The following NECTIN1 variants were observed in gnomAD, a reference collection of about 807,000 sequenced individuals.
The protein encoded by NECTIN1 is nectin-1.
In NECTIN1, 23 loss-of-function variants were observed where a neutral mutation model predicts 48.0. The observed-to-expected ratio is 0.48, with a 90% confidence interval of 0.34 to 0.68. The LOEUF (loss-of-function observed/expected upper bound fraction) is 0.68, where lower values mean the gene tolerates loss of function less well. Among genes scored for constraint, NECTIN1 ranks in the 30% least tolerant of loss-of-function variants. The pLI, the probability that NECTIN1 is intolerant of heterozygous loss-of-function variation, is 0.01. For synonymous variants in NECTIN1, 270 were observed against 288.9 expected, an observed-to-expected ratio of 0.93 and a Z score of 0.66; for missense variants, 591 against 709.9, an observed-to-expected ratio of 0.83 and a Z score of 1.90.
At chr11:119,682,447 G>A (rs1182005972) in intron 1 of NECTIN1, among the ~76,000 whole-genome samples, 2 of 152,152 alleles carry the variant, frequency 1.3e-5, no homozygotes, top group Non-Finnish European at 2.9e-5. Context: ...CTGAGCTAGC[G>A]TCTCCCACCT....
At chr11:119,679,811 C>G (rs1393127506) in intron 1 of NECTIN1, among the ~76,000 whole-genome samples, 1 of 152,204 alleles carries the variant, frequency 6.6e-6, no homozygotes, top group Non-Finnish European at 1.5e-5. Context: ...GCTCCCTCCA[C>G]CTAGATGGCC....
In NECTIN1 at chr11:119,716,478, G is replaced by A. The variant is rs1163658005; in HGVS notation, c.79+11997C>T. On this transcript the variant is annotated intron_variant, in intron 1 of 5. Transcript: ENST00000264025. The stretch of plus-strand genomic sequence containing the variant: ...ATCATCTCATCCCATTGTACAGCTA[G>A]GGGAACTTGTTTAGAGAAGACACAG... Among the ~76,000 whole-genome samples the A allele has an allele frequency of 2.0e-5, 3 of 152,198 alleles. No individual in the cohort carries two copies. The East Asian group carries it at 5.8e-4, about 29-fold the overall frequency.
rs1865597532 is a variant in NECTIN1, at chr11:119,709,345, C to T, written c.79+19130G>A. ...GAATCTGGGATCACCAGCTCCACAT[C>T]CGGGCCCAGGGCGCCTCTGTCTGCC... On this transcript the variant is annotated intron_variant, in intron 1 of 5. Transcript: ENST00000264025. The surrounding 1 kb of genome is among the most constrained non-coding windows in gnomAD (Gnocchi z 4.1). Among the ~76,000 whole-genome samples the T allele has an allele frequency of 6.6e-6, 1 of 152,148 alleles. No individual in the cohort carries two copies. The highest frequency in any genetic ancestry group is 2.4e-5 in the African/African-American group (1 of 41,430).
At chr11:119,718,912 C>G (rs1591488502) in intron 1 of NECTIN1, among the ~76,000 whole-genome samples, 2 of 152,188 alleles carry the variant, frequency 1.3e-5, no homozygotes, top group African/African-American at 4.8e-5. Flanking sequence ...TATCTGTATA[C>G]ATGAAATGTT....
intron 1 of NECTIN1, among the ~76,000 whole-genome samples, chr11:119,706,066 A>G (rs1865544363): frequency 6.6e-6 from 1 of 152,204 alleles, no homozygotes; most frequent in Admixed American, 6.5e-5. Context: ...TATTGGGAGA[A>G]ATAAAGCCCT....
intron 5 of NECTIN1, among the ~76,000 whole-genome samples, chr11:119,670,928 C>G (rs938056963): frequency 6.6e-6 from 1 of 151,898 alleles, no homozygotes; most frequent in Non-Finnish European, 1.5e-5. Flanking sequence ...TGTGAGCCAC[C>G]ACGCCTAGCC....
chr11:119,676,828 C>T, intron 4 of NECTIN1: 1 of 500,300 alleles, frequency 2.0e-6, no homozygotes, highest in South Asian at 2.1e-5. Context: ...AACGACAAAA[C>T]TCTTTATTAG....
downstream of NECTIN1, among the ~76,000 whole-genome samples, chr11:119,656,012 C>T (rs1864567447): frequency 6.6e-6 from 1 of 152,216 alleles, no homozygotes; most frequent in Non-Finnish European, 1.5e-5. Context: ...ATCCTCCCAC[C>T]TCAGCCTCCC....
chr11:119,639,922 G>A (rs1864299628), exon 6 of NECTIN1: 1 of 1,614,204 alleles, frequency 6.2e-7, no homozygotes, highest in East Asian at 2.2e-5. Flanking sequence ...GAAGAAGACA[G>A]TGAGCACAGC....
chr11:119,689,070 G>A (rs1380205598), intron 1 of NECTIN1, among the ~76,000 whole-genome samples: 2 of 152,106 alleles, frequency 1.3e-5, no homozygotes, highest in African/African-American at 2.4e-5. Flanking sequence ...GTCTTCCTTC[G>A]GCTGGTAAAC....
intron 1 of NECTIN1, among the ~76,000 whole-genome samples, chr11:119,695,205 C>CG (rs1565395166): frequency 6.6e-6 from 1 of 152,058 alleles, no homozygotes; most frequent in African/African-American, 2.4e-5. Flanking sequence ...CACAAGTCCC[C>CG]GGTCGCTCTC....
intron 1 of NECTIN1, among the ~76,000 whole-genome samples, chr11:119,706,886 C>T (rs973695224): frequency 3.9e-5 from 6 of 152,204 alleles, no homozygotes; most frequent in Non-Finnish European, 5.9e-5. Flanking sequence ...TCAGTATTCA[C>T]GGAAGAAACT....
chr11:119,658,383 G>A (rs553857834), downstream of NECTIN1, among the ~76,000 whole-genome samples: 17 of 152,264 alleles, frequency 1.1e-4, no homozygotes, highest in Admixed American at 7.8e-4. Context: ...CGGTAAACCC[G>A]GGGAGAGAAT....
intron 1 of NECTIN1, among the ~76,000 whole-genome samples, chr11:119,689,724 C>T (rs1316290330): frequency 6.6e-5 from 10 of 152,170 alleles, no homozygotes; most frequent in African/African-American, 9.7e-5. Context: ...GGAGGGCTCT[C>T]GACCCCATCC....
rs937128936 is a variant in NECTIN1, at chr11:119,684,013, C to A, written c.80-5248G>T. 6.6e-6 allele frequency among the ~76,000 whole-genome samples: 1 copy of A among 152,242 alleles called. No homozygotes were observed. The highest frequency in any genetic ancestry group is 2.4e-5 in the African/African-American group (1 of 41,472). Reference sequence around the variant, plus strand: ...AGACTCCTCAGTTGTGGCGGACAAACCTGCTCCCCAAGGCCCTGCCTGCCA... The same window carrying A: ...AGACTCCTCAGTTGTGGCGGACAAAACTGCTCCCCAAGGCCCTGCCTGCCA... On this transcript the variant is annotated intron_variant, in intron 1 of 5. Coordinates refer to ENST00000264025, the MANE Select transcript of NECTIN1 (RefSeq NM_002855.5). This position sits in a 1 kb window ranked among gnomAD's most constrained non-coding sequence, Gnocchi z 5.2.
At chr11:119,648,403 A>ATGG (rs1864443000) in intron 5 of NECTIN1, among the ~76,000 whole-genome samples, 6 of 4,538 alleles carry the variant, frequency 1.3e-3, no homozygotes, top group Non-Finnish European at 2.7e-3. Flanking sequence ...GATGGTGGTG[A>ATGG]TGGTGATGGT....
chr11:119,704,279 G>A (rs946012677), intron 1 of NECTIN1, among the ~76,000 whole-genome samples: 13 of 152,060 alleles, frequency 8.5e-5, no homozygotes, highest in Admixed American at 7.9e-4. Context: ...CTGGAGGGCA[G>A]TGGTGCAATC....
rs1440104263 is a variant in NECTIN1 at position 119,709,632 on chromosome 11, TG to T, written c.79+18842del. 6.7e-6 allele frequency among the ~76,000 whole-genome samples: 1 copy of T among 148,888 alleles called. No homozygotes were observed. Among genetic ancestry groups the T allele is most frequent in the African/African-American group, 2.5e-5 (1 of 40,010 alleles). Reference sequence around the variant, plus strand: ...GGAGGGGAGCCCCGTGTGGGAAGCCTGAAAGGAGCCTGGGAAAGACTGGGGC... The same window carrying T: ...GGAGGGGAGCCCCGTGTGGGAAGCCTAAAGGAGCCTGGGAAAGACTGGGGC... On this transcript the variant is annotated intron_variant, in intron 1 of 5. Transcript: ENST00000264025. The surrounding 1 kb of genome is among the most constrained non-coding windows in gnomAD (Gnocchi z 4.1).
At chr11:119,676,923 G>A (rs573916161) in intron 4 of NECTIN1, 179 bp downstream of exon 4, 23 of 656,132 alleles carry the variant, frequency 3.5e-5, no homozygotes, top group South Asian at 1.5e-4. Context: ...ACACATGGAC[G>A]TAATGTATAT....
Sources: allele counts gnomAD v4.1 joint callset (sites outside exome capture counted in the v4.1 genomes callset), GRCh38; gene constraint gnomAD v4.1.1; non-coding constraint Gnocchi (gnomAD v3.1); transcripts MANE v1.5; gene names NCBI Gene and HGNC (gene_info 2026-07-23, HGNC 2026-07-21).